Variants in GPC5 observed in about 807,000 individuals in gnomAD.
GPC5 encodes the protein glypican 5.
Under a neutral mutation model 53.9 loss-of-function variants are expected in GPC5, and 47 were observed. The ratio of observed to expected loss-of-function variants is 0.87; its 90% CI spans 0.69 to 1.11. The LOEUF (loss-of-function observed/expected upper bound fraction) is 1.11. GPC5 is among the 50% of genes most tolerant of loss of function. The probability of loss-of-function intolerance (pLI) is 0.00; values close to 1 mark genes in which losing one functional copy is unlikely to be tolerated. For missense variants in GPC5, 748 were observed against 713.1 expected, an observed-to-expected ratio of 1.05 and a Z score of -0.56; for synonymous variants, 286 against 263.3, an observed-to-expected ratio of 1.09 and a Z score of -0.84.
At chr13:92,420,105 G>A (rs560487584) in intron 7 of GPC5, among the ~76,000 whole-genome samples, 2 of 152,098 alleles carry the variant, frequency 1.3e-5, no homozygotes, top group South Asian at 4.2e-4. Flanking sequence ...GAGGCTTAGG[G>A]GTCAAATGTC....
intron 1 of GPC5, among the ~76,000 whole-genome samples, chr13:91,401,857 T>A (rs1334215585): frequency 1.3e-5 from 2 of 152,162 alleles, no homozygotes; most frequent in Non-Finnish European, 2.9e-5. Context: ...CTCCTAAGGA[T>A]GTTTGGATGA....
At position 92,251,739 on chromosome 13, in the gene GPC5, C is replaced by T. The variant is rs144002167; in HGVS notation, c.1561+106750C>T. On this transcript the variant is annotated intron_variant, in intron 7 of 7. Transcript: ENST00000377067. ...GTTAATGGGATGGGAAGAATAAAGC[C>T]GGATTTTTAGGAAGCTCTGCTGAAA... is the stretch of plus-strand genomic sequence containing the variant. 4.5e-4 allele frequency among the ~76,000 whole-genome samples: 69 copies of T among 152,102 alleles called. No homozygotes were observed. In the East Asian group the frequency reaches 8.9e-3, roughly 20 times the overall value.
intron 6 of GPC5, among the ~76,000 whole-genome samples, chr13:91,955,911 G>A (rs2040068631): frequency 6.6e-6 from 1 of 152,164 alleles, no homozygotes; most frequent in Non-Finnish European, 1.5e-5. Context: ...GTCAAAGCAT[G>A]AGCAGTTTAC....
At chr13:92,582,218 T>G (rs185976454) in intron 7 of GPC5, among the ~76,000 whole-genome samples, 7 of 152,306 alleles carry the variant, frequency 4.6e-5, no homozygotes, top group Admixed American at 3.9e-4. Flanking sequence ...AGTTGACTTT[T>G]GTATTTGGTG....
At chr13:91,707,642 G>A (rs1594458570) in intron 3 of GPC5, among the ~76,000 whole-genome samples, 1 of 152,026 alleles carries the variant, frequency 6.6e-6, no homozygotes, top group East Asian at 1.9e-4. Context: ...TAAAAACAAA[G>A]ATAAATAGTA....
At chr13:91,819,834 A>C (rs80135506) in intron 5 of GPC5, among the ~76,000 whole-genome samples, 6,718 of 152,230 alleles carry the variant, frequency 0.044, 173 homozygotes, top group Middle Eastern at 0.065. Flanking sequence ...CTGCCTTTTG[A>C]TATGGTTGTA....
intron 7 of GPC5, among the ~76,000 whole-genome samples, chr13:92,163,435 T>C (rs1418875639): frequency 2.2e-5 from 3 of 135,258 alleles, no homozygotes; most frequent in Non-Finnish European, 4.5e-5. Flanking sequence ...CAGTCCTGCC[T>C]GAGTAACACA....
intron 6 of GPC5, among the ~76,000 whole-genome samples, chr13:92,121,572 C>A (rs1423800138): frequency 6.6e-6 from 1 of 152,212 alleles, no homozygotes. Flanking sequence ...TTCCCATATG[C>A]AACTTTTGAA....
intron 5 of GPC5, among the ~76,000 whole-genome samples, chr13:91,839,829 T>G (rs191060634): frequency 3.2e-4 from 48 of 152,236 alleles, no homozygotes; most frequent in South Asian, 1.0e-3. Flanking sequence ...TATCATTCAG[T>G]ATCATCAACA....
rs185397806 is a variant in GPC5, at chr13:91,456,667, T to G, written c.325+7745T>G. Among the ~76,000 whole-genome samples the G allele has an allele frequency of 3.6e-3, 544 of 152,122 alleles. 5 individuals carry two copies. Among genetic ancestry groups the G allele is most frequent in the Non-Finnish European group, 3.8e-3 (256 of 67,962 alleles). On this transcript the variant is annotated intron_variant, in intron 2 of 7. Coordinates refer to ENST00000377067, the MANE Select transcript of GPC5 (RefSeq NM_004466.6). ...TGTGGTATGACACTCATTTTGTAAT[T>G]CAATATTTATGAATTCTTTAAAAAA...
chr13:91,750,433 T>C (rs1356061150), intron 4 of GPC5, among the ~76,000 whole-genome samples: 1 of 152,200 alleles, frequency 6.6e-6, no homozygotes, highest in Non-Finnish European at 1.5e-5. Context: ...GCATTTATTA[T>C]GATCCTAATT....
intron 1 of GPC5, among the ~76,000 whole-genome samples, chr13:91,441,215 T>G (rs1262747804): frequency 1.3e-5 from 2 of 152,218 alleles, no homozygotes; most frequent in Non-Finnish European, 2.9e-5. Flanking sequence ...ATCTGTAAGA[T>G]AGTGTAGCCA....
intron 6 of GPC5, among the ~76,000 whole-genome samples, chr13:92,097,641 C>G (rs2041432629): frequency 6.6e-6 from 1 of 152,092 alleles, no homozygotes; most frequent in African/African-American, 2.4e-5. Flanking sequence ...AAGCGAGAAG[C>G]CCATGATATA....
intron 5 of GPC5, among the ~76,000 whole-genome samples, chr13:91,828,550 C>A (rs1314988174): frequency 6.6e-6 from 1 of 151,958 alleles, no homozygotes; most frequent in African/African-American, 2.4e-5. Flanking sequence ...ATGAGGACTC[C>A]TTGGATAAAT....
At chr13:91,894,334 A>G (rs962848344) in intron 5 of GPC5, among the ~76,000 whole-genome samples, 3 of 152,182 alleles carry the variant, frequency 2.0e-5, no homozygotes, top group Admixed American at 6.5e-5. Context: ...CAGTAAAGTC[A>G]GTAGATTCAA....
At chr13:91,942,681 A>G (rs957888288) in intron 6 of GPC5, among the ~76,000 whole-genome samples, 3 of 151,976 alleles carry the variant, frequency 2.0e-5, no homozygotes, top group African/African-American at 7.2e-5. Flanking sequence ...TAGATATACT[A>G]CTTTTATGAC....
intron 6 of GPC5, among the ~76,000 whole-genome samples, chr13:91,982,843 A>G (rs2040371382): frequency 6.6e-6 from 1 of 152,222 alleles, no homozygotes; most frequent in African/African-American, 2.4e-5. Context: ...CTGGCTTTTC[A>G]TTTTTTCAGC....
intron 2 of GPC5, among the ~76,000 whole-genome samples, chr13:91,561,476 G>A (rs566898486): frequency 1.4e-4 from 22 of 152,252 alleles, no homozygotes; most frequent in Non-Finnish European, 2.2e-4. Context: ...CAGAAGTTAG[G>A]TGGATCTTTT....
chr13:92,613,690 T>C (rs922276144), intron 7 of GPC5, among the ~76,000 whole-genome samples: 2 of 138,380 alleles, frequency 1.4e-5, no homozygotes, highest in Non-Finnish European at 3.1e-5. Context: ...TTATATAATA[T>C]ATATATTATA....
Sources: gnomAD v4.1 joint callset for allele counts (sites outside exome capture counted in the v4.1 genomes callset) on GRCh38, gnomAD v4.1.1 for gene constraint, MANE v1.5 for transcripts, NCBI Gene and HGNC (gene_info 2026-07-23, HGNC 2026-07-21) for gene names.